Variants in CDH20 observed in about 807,000 individuals in gnomAD.
CDH20 encodes cadherin 20.
CDH20 carries 29 observed loss-of-function variants against 74.2 expected under a neutral mutation model. That is an observed-to-expected ratio of 0.39 (90% CI 0.29 to 0.53). The LOEUF is 0.53. Ranked by LOEUF, CDH20 falls within the 20% of genes least tolerant of loss-of-function variation. The pLI, the probability that CDH20 is intolerant of heterozygous loss-of-function variation, is 0.69. For synonymous variants in CDH20, 469 were observed against 405.4 expected, an observed-to-expected ratio of 1.16 and a Z score of -1.88; for missense variants, 988 against 1,048.3, an observed-to-expected ratio of 0.94 and a Z score of 0.79.
At chr18:61,464,585 T>C (rs949944813) in intron 1 of CDH20, among the ~76,000 whole-genome samples, 1 of 152,194 alleles carries the variant, frequency 6.6e-6, no homozygotes, top group Non-Finnish European at 1.5e-5. Context: ...ACTTAGAGTA[T>C]GGGAACCCCA....
At chr18:61,533,602 T>C (rs1213770687) in intron 7 of CDH20, among the ~76,000 whole-genome samples, 1 of 152,352 alleles carries the variant, frequency 6.6e-6, no homozygotes, top group East Asian at 1.9e-4. Flanking sequence ...GTTGTTTCCT[T>C]TGTTGTGCAG....
At chr18:61,532,536 A>G (rs985118859) in intron 7 of CDH20, among the ~76,000 whole-genome samples, 4 of 110,446 alleles carry the variant, frequency 3.6e-5, no homozygotes, top group Admixed American at 9.1e-5. Context: ...TTGTATGTAT[A>G]TATATATATA....
intron 6 of CDH20, among the ~76,000 whole-genome samples, chr18:61,513,352 G>C (rs1234816087): frequency 2.2e-5 from 2 of 88,916 alleles, no homozygotes; most frequent in Non-Finnish European, 4.6e-5. Flanking sequence ...CATTTGCTTG[G>C]TAGATCTTCC....
chr18:61,518,557 G>T (rs1912085441), intron 6 of CDH20, among the ~76,000 whole-genome samples: 1 of 151,342 alleles, frequency 6.6e-6, no homozygotes, highest in Admixed American at 6.6e-5. Context: ...CTAACAAACA[G>T]AAAGGAATAA....
At chr18:61,547,344 A>G (rs1367604975) in intron 10 of CDH20, among the ~76,000 whole-genome samples, 2 of 152,086 alleles carry the variant, frequency 1.3e-5, no homozygotes, top group Non-Finnish European at 1.5e-5. Context: ...AAGCCACCAC[A>G]ACAAAAACTG....
intron 2 of CDH20, among the ~76,000 whole-genome samples, chr18:61,491,307 A>G (rs1200122067): frequency 1.3e-5 from 2 of 152,228 alleles, no homozygotes; most frequent in African/African-American, 2.4e-5. Flanking sequence ...ATATTTATAA[A>G]TGTTATATTT....
At chr18:61,459,107 G>A (rs146644469) in intron 1 of CDH20, among the ~76,000 whole-genome samples, 23 of 152,208 alleles carry the variant, frequency 1.5e-4, no homozygotes, top group African/African-American at 2.2e-4. Flanking sequence ...AGCTTTGGTC[G>A]TATTATTATC....
intron 1 of CDH20, among the ~76,000 whole-genome samples, chr18:61,372,427 A>G (rs1333884219): frequency 1.3e-5 from 2 of 152,102 alleles, no homozygotes; most frequent in Non-Finnish European, 2.9e-5. Flanking sequence ...TTCAGCATGT[A>G]AATACTCAGG....
At chr18:61,528,448 C>CATACAT (rs147221165) in intron 7 of CDH20, among the ~76,000 whole-genome samples, 1 of 142,980 alleles carries the variant, frequency 7.0e-6, no homozygotes, top group East Asian at 2.0e-4. Flanking sequence ...TTGGTTGAGA[C>CATACAT]ACACACACAC....
At chr18:61,507,990 A>G (rs1838727395) in intron 6 of CDH20, among the ~76,000 whole-genome samples, 1 of 152,162 alleles carries the variant, frequency 6.6e-6, no homozygotes. Flanking sequence ...GGGTTTTTTA[A>G]TTGCTTCTCA....
intron 1 of CDH20, among the ~76,000 whole-genome samples, chr18:61,465,824 A>G: frequency 6.6e-6 from 1 of 151,970 alleles, no homozygotes; most frequent in Non-Finnish European, 1.5e-5. Flanking sequence ...CTGCTCTGGG[A>G]AGGAGGTATA....
intron 1 of CDH20, among the ~76,000 whole-genome samples, chr18:61,424,077 T>C (rs930026638): frequency 1.2e-4 from 18 of 152,342 alleles, no homozygotes; most frequent in Admixed American, 7.2e-4. Flanking sequence ...TGTCTTCAAC[T>C]CATGTTTGTT....
At chr18:61,458,124 T>C (rs1210013197) in intron 1 of CDH20, among the ~76,000 whole-genome samples, 1 of 152,166 alleles carries the variant, frequency 6.6e-6, no homozygotes, top group Non-Finnish European at 1.5e-5. Context: ...GCCTGAGTCT[T>C]GCTATGAGAC....
At chr18:61,512,372 T>G (rs924343692) in intron 6 of CDH20, among the ~76,000 whole-genome samples, 1 of 152,236 alleles carries the variant, frequency 6.6e-6, no homozygotes, top group Non-Finnish European at 1.5e-5. Context: ...GAGTCCATTC[T>G]CTTCTTAGGC....
chr18:61,484,016 A>G (rs1910675821), intron 1 of CDH20, among the ~76,000 whole-genome samples: 1 of 152,228 alleles, frequency 6.6e-6, no homozygotes, highest in African/African-American at 2.4e-5. Flanking sequence ...CTTCCTGTGA[A>G]TTATTTTTTA....
chr18:61,500,646 G>A (rs1911344235), intron 4 of CDH20, 144 bp downstream of exon 4: 1 of 787,876 alleles, frequency 1.3e-6, no homozygotes, highest in South Asian at 2.7e-5. Context: ...AGGATTAAGA[G>A]AGCAAACTAG....
chr18:61,405,500 T>C (rs1269450285), intron 1 of CDH20, among the ~76,000 whole-genome samples: 2 of 152,118 alleles, frequency 1.3e-5, no homozygotes, highest in Non-Finnish European at 2.9e-5. Context: ...GGCAGGAGGA[T>C]TGCTTCAGCC....
chr18:61,503,018 C>G lies in CDH20; in HGVS notation c.727C>G (p.Gln243Glu). 1 of 1,613,906 alleles carries G rather than the reference C, an allele frequency of 6.2e-7. No homozygotes were observed. Among genetic ancestry groups the G allele is most frequent in the Non-Finnish European group, 8.5e-7 (1 of 1,179,820 alleles). Reference sequence around the variant, plus strand: ...CAAAGAATACTACGAAGTGATTATCCAAGCCAAGGACATGGGAGGGCAGCT... The same window carrying G: ...CAAAGAATACTACGAAGTGATTATCGAAGCCAAGGACATGGGAGGGCAGCT... ...EAKEYYEVII[Q>E]AKDMGGQLGG... Residue 243 changes from glutamine (Q) to glutamate (E), a missense_variant, in exon 5 of 12, where the codon CAA becomes GAA. Physicochemically the swap from Gln to Glu is conservative, Grantham distance 29 (BLOSUM62 2). Around this residue, in one of 2 missense-constraint regions of CDH20, gnomAD observed 613 missense variants for 755.2 expected, o/e 0.81. Coordinates refer to ENST00000262717, the MANE Select transcript of CDH20 (RefSeq NM_031891.4).
chr18:61,499,529 TAC>T (rs71338240), intron 3 of CDH20, 49 bp downstream of exon 3: 1,012 of 1,040,168 alleles, frequency 9.7e-4, no homozygotes, highest in Admixed American at 1.3e-3. Context: ...CCTATATATA[TAC>T]ACACACACAC....
Sources: gnomAD v4.1 joint callset for allele counts (sites outside exome capture counted in the v4.1 genomes callset) on GRCh38, gnomAD v4.1.1 for gene constraint, gnomAD v4.1.1 regional missense constraint, MANE v1.5 for transcripts, NCBI Gene and HGNC (gene_info 2026-07-23, HGNC 2026-07-21) for gene names.